The following SLC10A1 variants were observed in gnomAD, a reference collection of about 807,000 sequenced individuals.
SLC10A1 encodes the protein hepatic sodium/bile acid cotransporter.
In SLC10A1, 36 loss-of-function variants were observed where a neutral mutation model predicts 20.5. The observed-to-expected ratio is 1.75, with a 90% CI of 1.34 to 2.32. The LOEUF (loss-of-function observed/expected upper bound fraction) is 2.32. Among genes scored for constraint, SLC10A1 ranks in the 30% most tolerant of loss-of-function variants. The probability of loss-of-function intolerance (pLI) is 0.00; values close to 1 mark genes in which losing one functional copy is unlikely to be tolerated. For missense variants in SLC10A1, 545 were observed against 439.1 expected (o/e 1.24, Z -2.16); for synonymous variants, 188 against 163.6 (o/e 1.15, Z -1.14).
chr14:69,782,436 G>T (rs1883614340), intron 2 of SLC10A1, among the ~76,000 whole-genome samples: 1 of 152,128 alleles, frequency 6.6e-6, no homozygotes, highest in South Asian at 2.1e-4. Flanking sequence ...ACTTTTCCGG[G>T]CCTCGGTTAC....
chr14:69,780,406 A>G (rs542995186), intron 2 of SLC10A1, among the ~76,000 whole-genome samples: 1 of 152,266 alleles, frequency 6.6e-6, no homozygotes, highest in Non-Finnish European at 1.5e-5. Context: ...CAAACTTACC[A>G]TGTTATTTTG....
intron 4 of SLC10A1, 101 bp from the exon 5 acceptor site, chr14:69,776,489 A>T: frequency 1.2e-6 from 1 of 859,092 alleles, no homozygotes; most frequent in Non-Finnish European, 1.9e-6. Context: ...ACTCAGCCCT[A>T]GAGTGTGCTA....
chr14:69,794,653 A>T (rs1311474043), intron 1 of SLC10A1, among the ~76,000 whole-genome samples: 1 of 152,236 alleles, frequency 6.6e-6, no homozygotes, highest in Non-Finnish European at 1.5e-5. Flanking sequence ...ACATGAAGGT[A>T]GATGACCAGA....
intron 2 of SLC10A1, among the ~76,000 whole-genome samples, chr14:69,783,942 T>TG (rs1883655335): frequency 6.6e-6 from 1 of 152,126 alleles, no homozygotes; most frequent in African/African-American, 2.4e-5. Flanking sequence ...GATAACCACA[T>TG]GGGGAGGAGA....
chr14:69,789,586 T>C (rs2139719810), intron 1 of SLC10A1, among the ~76,000 whole-genome samples: 1 of 152,268 alleles, frequency 6.6e-6, no homozygotes, highest in Middle Eastern at 3.4e-3. Context: ...CTTTTTGGGG[T>C]ATTGAAAATG....
chr14:69,787,590 C>G (rs537004870), intron 1 of SLC10A1, among the ~76,000 whole-genome samples: 31 of 152,162 alleles, frequency 2.0e-4, no homozygotes, highest in Non-Finnish European at 3.7e-4. Flanking sequence ...CAGAGCGTAG[C>G]CATCAAGAAC....
Position 69,797,151 on chromosome 14 carries a change from T to C in SLC10A1, c.5A>G (p.Glu2Gly). The C allele has an allele frequency of 6.2e-7, 1 of 1,605,800 alleles. No individual in the cohort carries two copies. The highest frequency in any genetic ancestry group is 1.7e-5 in the Admixed American group (1 of 59,668). The change falls in exon 1 of 5, where the codon GAG (glutamate) becomes GGG (glycine). Residue 2 changes from glutamate to glycine, a missense_variant. By Grantham distance (98) the Glu-to-Gly change is moderately conservative. Coordinates refer to ENST00000216540, the MANE Select transcript of SLC10A1 (RefSeq NM_003049.4). ...GAATGGGGCAGACGCGTTGTGGGCC[T>C]CCATCCTCCTGTGAGGCAGTGGAAG... M[E>G]AHNASAPFNF... is the part of the protein sequence containing the mutation.
chr14:69,788,880 AAAC>A (rs1883783506), intron 1 of SLC10A1, among the ~76,000 whole-genome samples: 1 of 152,234 alleles, frequency 6.6e-6, no homozygotes, highest in Admixed American at 6.5e-5. Context: ...CAATAATAAA[AAAC>A]AAGTAAAAAA....
At chr14:69,784,881 A>G (rs1883675669) in intron 2 of SLC10A1, among the ~76,000 whole-genome samples, 1 of 152,110 alleles carries the variant, frequency 6.6e-6, no homozygotes, top group Non-Finnish European at 1.5e-5. Flanking sequence ...GCAGGCGGGA[A>G]GGGGAGCTGT....
In SLC10A1 at chr14:69,781,594, G is replaced by A. The variant is rs1260085035; in HGVS notation, c.568-2234C>T. On this transcript the variant is annotated intron_variant, in intron 2 of 4. Transcript: ENST00000216540. Reference sequence around the variant, plus strand: ...GAAGTTGTAAGACAAAGGAGAGTTAGGGGTCAGTTCAGCAGTAGCAGCAGG... The same window carrying A: ...GAAGTTGTAAGACAAAGGAGAGTTAAGGGTCAGTTCAGCAGTAGCAGCAGG... 2.6e-5 allele frequency among the ~76,000 whole-genome samples: 4 copies of A among 152,352 alleles called. No individual in the cohort carries two copies. In the South Asian group the frequency reaches 6.2e-4, roughly 24 times the overall value.
In SLC10A1 at chr14:69,793,483, A is replaced by G. The variant is rs575996497; in HGVS notation, c.356+3317T>C. Among the ~76,000 whole-genome samples, 21 of 152,274 alleles carry G rather than the reference A, an allele frequency of 1.4e-4. No homozygotes were observed. In the East Asian group the frequency reaches 4.1e-3, roughly 29 times the overall value. On this transcript the variant is annotated intron_variant, in intron 1 of 4. Coordinates refer to ENST00000216540, the MANE Select transcript of SLC10A1 (RefSeq NM_003049.4). ...CACAGCATAGACCTTGCTTTTGGAC[A>G]TCTGTGTACCCCATTTAAGGGACTC...
intron 4 of SLC10A1, 79 bp downstream of exon 4, chr14:69,778,254 C>T: frequency 2.4e-6 from 3 of 1,268,838 alleles, no homozygotes; most frequent in South Asian, 1.5e-5. Flanking sequence ...CAAAAAGTCC[C>T]TGCTAGAAAC....
chr14:69,786,110 C>A lies in SLC10A1; in HGVS notation c.554G>T (p.Arg185Leu). The change falls in exon 2 of 5, where the codon CGC becomes CTC. Residue 185 changes from arginine to leucine, a missense_variant. Physicochemically the swap from Arg to Leu is moderately radical, Grantham distance 102 (BLOSUM62 -2). Transcript: ENST00000216540. ...VLKSKRPQYMRYVIKGGMIII... is the reference protein window; with the variant it reads ...VLKSKRPQYMLYVIKGGMIII... Reference sequence around the variant, plus strand: ...CCAGGTTCTTACCTTGATGACATAGCGCATGTATTGTGGCCGTTTGGATTT... The same window carrying A: ...CCAGGTTCTTACCTTGATGACATAGAGCATGTATTGTGGCCGTTTGGATTT... 6.2e-7 allele frequency: 1 copy of A among 1,613,970 alleles called. No individual in the cohort carries two copies. The highest frequency in any genetic ancestry group is 8.5e-7 in the Non-Finnish European group (1 of 1,179,902).
At position 69,786,214 on chromosome 14, in the gene SLC10A1, C is replaced by T. The variant is rs1883708514; in HGVS notation, c.450G>A (p.Leu150=). The T allele has an allele frequency of 3.1e-6, 5 of 1,613,790 alleles. No homozygotes were observed. The South Asian group carries it at 3.3e-5, about 11-fold the overall frequency. ...IYSRGIYDGD[L]KDKVPYKGIV... ...TGCCTTTATAGGGCACCTTGTCCTTCAGGTCCCCATCATAGATCCCCCTGG... is the reference window on the plus strand; with the variant it reads ...TGCCTTTATAGGGCACCTTGTCCTTTAGGTCCCCATCATAGATCCCCCTGG... The change falls in exon 2 of 5, where the codon CTG becomes CTA. Residue 150 remains leucine, a synonymous_variant. Transcript: ENST00000216540.
chr14:69,785,763 A>G (rs576152368), intron 2 of SLC10A1, among the ~76,000 whole-genome samples: 1 of 135,882 alleles, frequency 7.4e-6, no homozygotes, highest in African/African-American at 2.6e-5. Flanking sequence ...ATGCCCGGCT[A>G]ATTTTTTTTT....
intron 2 of SLC10A1, among the ~76,000 whole-genome samples, chr14:69,779,815 G>A (rs904522083): frequency 1.4e-5 from 2 of 146,396 alleles, no homozygotes; most frequent in Non-Finnish European, 3.0e-5. Flanking sequence ...GGCTATTCAG[G>A]ACTCCTGCAA....
chr14:69,777,378 T>A (rs1396427257), intron 4 of SLC10A1, among the ~76,000 whole-genome samples: 1 of 152,138 alleles, frequency 6.6e-6, no homozygotes, highest in East Asian at 1.9e-4. Flanking sequence ...GCTAGTATAA[T>A]GTAACAAATT....
intron 2 of SLC10A1, 113 bp from the exon 3 acceptor site, chr14:69,779,473 A>C: frequency 1.4e-6 from 1 of 738,418 alleles, no homozygotes; most frequent in Non-Finnish European, 2.2e-6. Flanking sequence ...AAACACTGGA[A>C]GTGGAAAGGA....
intron 2 of SLC10A1, among the ~76,000 whole-genome samples, chr14:69,780,585 C>A (rs902654070): frequency 2.0e-5 from 3 of 152,184 alleles, no homozygotes; most frequent in African/African-American, 7.2e-5. Context: ...GTCCTAACGA[C>A]ATTTTAACAT....
Sources: allele counts gnomAD v4.1 joint callset (sites outside exome capture counted in the v4.1 genomes callset), GRCh38; gene constraint gnomAD v4.1.1; transcripts MANE v1.5; gene names NCBI Gene and HGNC (gene_info 2026-07-23, HGNC 2026-07-21).